The following CHRND variants were observed in gnomAD, a reference collection of about 807,000 sequenced individuals.
CHRND encodes the protein acetylcholine receptor subunit delta.
In CHRND, 40 loss-of-function variants were observed where a neutral mutation model predicts 57.8. The ratio of observed to expected loss-of-function variants is 0.69; its 90% CI spans 0.54 to 0.90. The LOEUF (loss-of-function observed/expected upper bound fraction) is 0.90. Among genes scored for constraint, CHRND ranks in the 40% least tolerant of loss-of-function variants. CHRND has a pLI of 0.00. For missense variants in CHRND, 634 were observed against 673.9 expected (o/e 0.94, Z 0.66); for synonymous variants, 237 against 270.6 (o/e 0.88, Z 1.22).
intron 11 of CHRND, 60 bp from the exon 12 acceptor site, chr2:232,535,070 G>A: frequency 6.3e-7 from 1 of 1,593,590 alleles, no homozygotes; most frequent in Non-Finnish European, 8.6e-7. Flanking sequence ...CCCCAGCTTG[G>A]GGGTGGGGCT....
rs778006115 is a variant in CHRND at position 232,531,946 on chromosome 2, CAAAAAAAAAAA to C, written c.1047+308_1047+318del. 1.3e-3 allele frequency among the ~76,000 whole-genome samples: 60 copies of C among 46,070 alleles called. 1 individual carries two copies. The highest frequency in any genetic ancestry group is 5.8e-3 in the African/African-American group (45 of 7,712). The allele number at this position is 46,070 out of a possible 152,430, so 30.2% of individuals were successfully genotyped here. On this transcript the variant is annotated intron_variant, in intron 9 of 11. Transcript: ENST00000258385. ...TGGGCAACAGAGTGAGACCTTGTCT[CAAAAAAAAAAA>C]AAAAAAAAAAAAAAAAAGAAATGAG...
At chr2:232,531,745 T>C in intron 9 of CHRND, 89 bp downstream of exon 9, 1 of 1,121,062 alleles carries the variant, frequency 8.9e-7, no homozygotes, top group Non-Finnish European at 1.3e-6. Flanking sequence ...GCCCAGGAGT[T>C]GGAGACCAGC....
intron 3 of CHRND, among the ~76,000 whole-genome samples, chr2:232,527,754 G>C (rs1691536418): frequency 6.6e-6 from 1 of 152,140 alleles, no homozygotes; most frequent in Non-Finnish European, 1.5e-5. Flanking sequence ...AAAAAAAAGA[G>C]AATGCCCCGC....
chr2:232,534,101 G>A lies in CHRND; in HGVS notation c.1218G>A (p.Glu406=). Reference sequence around the variant, plus strand: ...ACCTCATGTTCGAGAAGCAGTCAGAGCGGCATGGGCTGGCCAGGCGCCTCA... The same window carrying A: ...ACCTCATGTTCGAGAAGCAGTCAGAACGGCATGGGCTGGCCAGGCGCCTCA... The part of the protein sequence containing the change: ...RSDLMFEKQS[E]RHGLARRLTT... The change falls in exon 10 of 12, where the codon GAG becomes GAA. Residue 406 remains glutamate (E), a synonymous_variant. Coordinates refer to ENST00000258385, the MANE Select transcript of CHRND (RefSeq NM_000751.3). 4 of 1,614,148 alleles carry A rather than the reference G, an allele frequency of 2.5e-6. No individual in the cohort carries two copies. Among genetic ancestry groups the A allele is most frequent in the Non-Finnish European group, 2.5e-6 (3 of 1,180,044 alleles).
At chr2:232,528,203 G>A in intron 3 of CHRND, 59 bp from the exon 4 acceptor site, 2 of 1,509,998 alleles carry the variant, frequency 1.3e-6, no homozygotes, top group Non-Finnish European at 1.8e-6. Flanking sequence ...GGGAAGTGGG[G>A]GGAGCCAGGA....
At chr2:232,534,716 C>T (rs1691823881) in intron 11 of CHRND, among the ~76,000 whole-genome samples, 2 of 152,208 alleles carry the variant, frequency 1.3e-5, no homozygotes, top group African/African-American at 4.8e-5. Context: ...CAACATTATA[C>T]AACTTCTAAA....
chr2:232,528,927 C>T lies in CHRND; in HGVS notation c.575C>T (p.Thr192Ile). ...SLKQDAKENR[T>I]YPVEWIIIDP... Reference sequence around the variant, plus strand: ...AAACAGGATGCCAAGGAGAACCGCACCTACCCCGTGGAGTGGATCATCATT... The same window carrying T: ...AAACAGGATGCCAAGGAGAACCGCATCTACCCCGTGGAGTGGATCATCATT... Residue 192 changes from threonine to isoleucine, a missense_variant, in exon 6 of 12, where the codon ACC (threonine) becomes ATC (isoleucine). Physicochemically the swap from Thr to Ile is moderately conservative, Grantham distance 89 (BLOSUM62 -1). Transcript: ENST00000258385. 1 of 1,614,166 alleles carries T rather than the reference C, an allele frequency of 6.2e-7. No individual in the cohort carries two copies. Among genetic ancestry groups the T allele is most frequent in the South Asian group, 1.1e-5 (1 of 91,084 alleles).
In CHRND at chr2:232,534,337, A is replaced by T; in HGVS notation, c.1366A>T (p.Asn456Tyr). ...VNHMRDQNNY[N>Y]EEKDSWNRVA... ...CCACATGAGGGACCAGAACAATTAC[A>T]ATGAGGTAAGGGACCACAGGATTGC... Residue 456 changes from asparagine to tyrosine, a missense_variant, in exon 11 of 12, where the codon AAT becomes TAT. Physicochemically the swap from Asn to Tyr is moderately radical, Grantham distance 143 (BLOSUM62 -2). Transcript: ENST00000258385. 2 of 1,613,932 alleles carry T rather than the reference A, an allele frequency of 1.2e-6. No individual in the cohort carries two copies. Among genetic ancestry groups the T allele is most frequent in the East Asian group, 4.5e-5 (2 of 44,880 alleles).
rs1234931580 is a variant in CHRND at position 232,535,318 on chromosome 2, G to A, written c.*6G>A. 2 of 1,612,472 alleles carry A rather than the reference G, an allele frequency of 1.2e-6. No individual in the cohort carries two copies. Among genetic ancestry groups the A allele is most frequent in the Admixed American group, 1.7e-5 (1 of 60,020 alleles). On this transcript the variant is annotated 3_prime_UTR_variant, in exon 12 of 12. Transcript: ENST00000258385. ...AGGACAAGCGCTTCATCTAGGGTGG[G>A]CCTGTTGGGGAGCCAGGAGACAGCA...
chr2:232,530,184 C>T (rs746384778), intron 7 of CHRND, 45 bp downstream of exon 7: 1 of 1,587,108 alleles, frequency 6.3e-7, no homozygotes, highest in South Asian at 1.1e-5. Flanking sequence ...CCCAAGCCCA[C>T]CTGAGCACAG....
At position 232,536,456 on chromosome 2, in the gene CHRND, G is replaced by A. The variant is rs749201332; in HGVS notation, c.*1144G>A. ...CCTATGGAGAGGCCCACATGGCAAG[G>A]AACTAAGGCCTCCTGCCAACAGCCA... is the stretch of plus-strand genomic sequence containing the variant. On this transcript the variant is annotated 3_prime_UTR_variant, in exon 12 of 12. Transcript: ENST00000258385. 1 of 454,064 alleles carries A rather than the reference G, an allele frequency of 2.2e-6. No individual in the cohort carries two copies. The highest frequency in any genetic ancestry group is 1.6e-5 in the South Asian group (1 of 64,484). The allele number at this position is 454,064 out of a possible 1,614,324, so 28.1% of individuals were successfully genotyped here. A position where few individuals can be genotyped will look rare whatever the true frequency, so the allele number is the denominator to read the frequency against.
intron 3 of CHRND, among the ~76,000 whole-genome samples, 182 bp downstream of exon 3, chr2:232,527,627 C>G (rs901294276): frequency 7.9e-5 from 12 of 152,094 alleles, no homozygotes; most frequent in African/African-American, 2.4e-4. Context: ...ACCTGTAGTC[C>G]CAGCTACTCG....
At position 232,528,600 on chromosome 2, in the gene CHRND, C is replaced by T. The variant is rs774243475; in HGVS notation, c.453C>T (p.Cys151=). Residue 151 remains cysteine (C), a synonymous_variant, in exon 5 of 12, where the codon TGC becomes TGT. Transcript: ENST00000258385. ...CACCTGCCATCTTCCGCTCCTCCTG[C>T]CCCATCTCTGTCACCTATTTCCCCT... ...WLPPAIFRSS[C]PISVTYFPFD... 5 of 1,614,202 alleles carry T rather than the reference C, an allele frequency of 3.1e-6. No homozygotes were observed. In the South Asian group the frequency reaches 5.5e-5, roughly 18 times the overall value.
chr2:232,530,828 G>GC (rs919870245), intron 7 of CHRND, among the ~76,000 whole-genome samples: 1 of 152,170 alleles, frequency 6.6e-6, no homozygotes, highest in African/African-American at 2.4e-5. Context: ...CAGCAGGGGA[G>GC]CCCCCCTTCC....
intron 2 of CHRND, 103 bp from the exon 3 acceptor site, chr2:232,527,298 C>T: frequency 9.5e-7 from 1 of 1,047,418 alleles, no homozygotes; most frequent in Non-Finnish European, 1.5e-6. Context: ...TGAGCAAGAC[C>T]CTGGAAAAAA....
Position 232,530,066 on chromosome 2 carries a change from C to T in CHRND, c.747C>T (p.Tyr249=). The T allele has an allele frequency of 1.2e-6, 2 of 1,614,190 alleles. No homozygotes were observed. Among genetic ancestry groups the T allele is most frequent in the Admixed American group, 1.7e-5 (1 of 60,028 alleles). The part of the protein sequence containing the change: ...YLIIRRKPLF[Y]IINILVPCVL... ...TCATCCGCCGCAAGCCCCTCTTCTA[C>T]ATCATCAACATCCTGGTGCCCTGCG... is the stretch of plus-strand genomic sequence containing the variant. The change falls in exon 7 of 12, where the codon TAC becomes TAT. Residue 249 remains tyrosine, a synonymous_variant. Transcript: ENST00000258385.
In CHRND at chr2:232,529,995, G is replaced by A. The variant is rs1691624021; in HGVS notation, c.676G>A (p.Ala226Thr). 1 of 1,614,088 alleles carries A rather than the reference G, an allele frequency of 6.2e-7. No individual in the cohort carries two copies. Among genetic ancestry groups the A allele is most frequent in the Non-Finnish European group, 8.5e-7 (1 of 1,180,032 alleles). The change falls in exon 7 of 12, where the codon GCC (alanine) becomes ACC (threonine). Residue 226 changes from alanine to threonine, a missense_variant. By Grantham distance (58) the Ala-to-Thr change is moderately conservative (BLOSUM62 0). Coordinates refer to ENST00000258385, the MANE Select transcript of CHRND (RefSeq NM_000751.3). Reference protein sequence around the residue: ...RPARVNVDPRAPLDSPSRQDI... With the variant: ...RPARVNVDPRTPLDSPSRQDI... ...GGCCAGGGTCAACGTGGACCCCAGA[G>A]CCCCTCTGGACAGCCCCAGCCGCCA... is the stretch of plus-strand genomic sequence containing the variant.
At chr2:232,530,474 C>T (rs1020483556) in intron 7 of CHRND, among the ~76,000 whole-genome samples, 2 of 152,222 alleles carry the variant, frequency 1.3e-5, no homozygotes, top group African/African-American at 4.8e-5. Context: ...ACAGGAGGCC[C>T]TCAACTGTTG....
Position 232,527,408 on chromosome 2 carries a change from T to C in CHRND, c.206T>C (p.Val69Ala), listed in dbSNP as rs1483337020. 3 of 1,612,884 alleles carry C rather than the reference T, an allele frequency of 1.9e-6. No individual in the cohort carries two copies. Among genetic ancestry groups the C allele is most frequent in the African/African-American group, 1.3e-5 (1 of 74,780 alleles). ...CCTACCGTCTAATTACAGAAAGAAGTTGAGGAGACCCTCACTACCAATGTG... is the reference window on the plus strand; with the variant it reads ...CCTACCGTCTAATTACAGAAAGAAGCTGAGGAGACCCTCACTACCAATGTG... ...TLSNLISLKE[V>A]EETLTTNVWI... is the part of the protein sequence containing the mutation. Residue 69 changes from valine to alanine, a missense_variant, in exon 3 of 12, where the codon GTT becomes GCT. Physicochemically the swap from Val to Ala is moderately conservative, Grantham distance 64. Coordinates refer to ENST00000258385, the MANE Select transcript of CHRND (RefSeq NM_000751.3).
Sources: gnomAD v4.1 joint callset for allele counts (sites outside exome capture counted in the v4.1 genomes callset) on GRCh38, gnomAD v4.1.1 for gene constraint, MANE v1.5 for transcripts, NCBI Gene and HGNC (gene_info 2026-07-23, HGNC 2026-07-21) for gene names.